ZFAND3: variants seen among roughly 807,000 people sequenced by gnomAD.
The protein encoded by ZFAND3 is zinc finger AN1-type containing 3.
In ZFAND3, 10 loss-of-function variants were observed where a neutral mutation model predicts 29.6. The ratio of observed to expected loss-of-function variants is 0.34; its 90% CI spans 0.21 to 0.57. The LOEUF is 0.57. ZFAND3 is among the 20% of genes least tolerant of loss of function. The pLI, the probability that ZFAND3 is intolerant of heterozygous loss-of-function variation, is 0.86. For synonymous variants in ZFAND3, 128 were observed against 112.6 expected, an observed-to-expected ratio of 1.14 and a Z score of -0.87; for missense variants, 230 against 304.5, an observed-to-expected ratio of 0.76 and a Z score of 1.82.
chr6:38,049,643 A>T (rs1444932607), intron 2 of ZFAND3, among the ~76,000 whole-genome samples: 4 of 152,188 alleles, frequency 2.6e-5, no homozygotes, highest in African/African-American at 4.8e-5. Context: ...TTATATAAAC[A>T]TCATGTATTC....
intron 2 of ZFAND3, among the ~76,000 whole-genome samples, chr6:38,050,382 G>A (rs751469834): frequency 1.3e-5 from 2 of 152,048 alleles, no homozygotes; most frequent in Non-Finnish European, 2.9e-5. Flanking sequence ...GTAGCCAGGT[G>A]ATATGGTTTG....
intron 2 of ZFAND3, among the ~76,000 whole-genome samples, chr6:38,047,691 T>C (rs1763931494): frequency 1.3e-5 from 2 of 152,142 alleles, no homozygotes; most frequent in Admixed American, 6.5e-5. Context: ...CTTTAAGAGC[T>C]GTTAGGTGGT....
At chr6:38,090,585 A>G (rs1313800546) in intron 4 of ZFAND3, among the ~76,000 whole-genome samples, 2 of 152,168 alleles carry the variant, frequency 1.3e-5, no homozygotes, top group African/African-American at 4.8e-5. Context: ...AGCAGTTCTC[A>G]CCAAAGTTTA....
intron 2 of ZFAND3, among the ~76,000 whole-genome samples, chr6:37,972,250 A>G (rs1762401497): frequency 6.6e-6 from 1 of 152,200 alleles, no homozygotes; most frequent in South Asian, 2.1e-4. Flanking sequence ...CTCCAGCTGC[A>G]CACAGAAGGC....
intron 2 of ZFAND3, among the ~76,000 whole-genome samples, chr6:37,986,496 G>A (rs1328190576): frequency 1.7e-4 from 26 of 152,154 alleles, no homozygotes; most frequent in Admixed American, 1.7e-3. Context: ...TCCTTGGGGA[G>A]TGAAGAACTA....
intron 3 of ZFAND3, among the ~76,000 whole-genome samples, chr6:38,069,819 C>T (rs929979971): frequency 1.2e-4 from 18 of 152,204 alleles, no homozygotes; most frequent in Non-Finnish European, 2.2e-4. Flanking sequence ...GTAGTATCAT[C>T]TGACCTTCCA....
At chr6:37,934,176 C>T (rs1374380741) in intron 2 of ZFAND3, among the ~76,000 whole-genome samples, 3 of 150,758 alleles carry the variant, frequency 2.0e-5, no homozygotes, top group Non-Finnish European at 4.4e-5. Flanking sequence ...GTGTAAGCCA[C>T]TGCGCCCGGC....
At chr6:38,004,320 G>A (rs1430509494) in intron 2 of ZFAND3, among the ~76,000 whole-genome samples, 4 of 152,132 alleles carry the variant, frequency 2.6e-5, no homozygotes, top group Non-Finnish European at 5.9e-5. Flanking sequence ...TTTCCAACAC[G>A]TTTGCTCATA....
chr6:38,094,105 GT>G (rs1294346566), intron 4 of ZFAND3, among the ~76,000 whole-genome samples: 3 of 152,122 alleles, frequency 2.0e-5, no homozygotes, highest in East Asian at 3.8e-4. Context: ...GAACTAGGGA[GT>G]TTCTCCTAGA....
rs1310936584 is a variant in ZFAND3, at chr6:38,059,874, T to A, written c.113-1719T>A. On this transcript the variant is annotated intron_variant, in intron 2 of 5. Coordinates refer to ENST00000287218, the MANE Select transcript of ZFAND3 (RefSeq NM_021943.3). ...CTGGCCAACAGAGTGAGACTCTGTC[T>A]CAAGAAAAAAAGAAAATAATTCATT... 2.0e-5 allele frequency among the ~76,000 whole-genome samples: 3 copies of A among 152,162 alleles called. No individual in the cohort carries two copies. The East Asian group carries it at 5.8e-4, about 29-fold the overall frequency.
chr6:38,068,468 C>T (rs1238837065), intron 3 of ZFAND3, among the ~76,000 whole-genome samples: 1 of 152,130 alleles, frequency 6.6e-6, no homozygotes, highest in Non-Finnish European at 1.5e-5. Context: ...GTTTGCAAAA[C>T]CCTGTTTTAC....
intron 5 of ZFAND3, among the ~76,000 whole-genome samples, chr6:38,135,461 G>C (rs1169031093): frequency 1.3e-5 from 2 of 152,180 alleles, no homozygotes; most frequent in Non-Finnish European, 2.9e-5. Context: ...ATGAACACGT[G>C]AGGCCGGCCG....
intron 2 of ZFAND3, among the ~76,000 whole-genome samples, chr6:38,046,742 G>T (rs1319438332): frequency 4.6e-5 from 7 of 152,182 alleles, no homozygotes; most frequent in Non-Finnish European, 1.0e-4. Context: ...TTGAGTCAGG[G>T]TTAGATTATC....
In ZFAND3 at chr6:38,084,179, A is replaced by T. The variant is rs1447155127; in HGVS notation, c.361+1722A>T. 2.0e-5 allele frequency among the ~76,000 whole-genome samples: 3 copies of T among 152,184 alleles called. No homozygotes were observed. The East Asian group carries it at 5.8e-4, about 29-fold the overall frequency. ...TTTTATTGTAATTGTTTCTTCTCCTAACCAGACTGTGGAAAAGCAGACTGT... is the reference window on the plus strand; with the variant it reads ...TTTTATTGTAATTGTTTCTTCTCCTTACCAGACTGTGGAAAAGCAGACTGT... On this transcript the variant is annotated intron_variant, in intron 4 of 5. Transcript: ENST00000287218.
intron 5 of ZFAND3, among the ~76,000 whole-genome samples, chr6:38,122,572 A>G (rs566570782): frequency 6.6e-6 from 1 of 151,432 alleles, no homozygotes; most frequent in African/African-American, 2.4e-5. Context: ...TGGTGGGGGG[A>G]GGATTTGGGA....
intron 2 of ZFAND3, among the ~76,000 whole-genome samples, chr6:38,039,085 G>T (rs1289596587): frequency 6.6e-6 from 1 of 152,146 alleles, no homozygotes. Flanking sequence ...TCTCAAGTTT[G>T]AGAAACCTTG....
At chr6:38,131,445 A>AC in intron 5 of ZFAND3, among the ~76,000 whole-genome samples, 1 of 152,280 alleles carries the variant, frequency 6.6e-6, no homozygotes, top group East Asian at 1.9e-4. Flanking sequence ...ATTTTAATGT[A>AC]CCCCCAAGTT....
intron 2 of ZFAND3, among the ~76,000 whole-genome samples, chr6:37,941,063 C>T (rs1163183320): frequency 1.3e-5 from 2 of 152,154 alleles, no homozygotes; most frequent in Non-Finnish European, 2.9e-5. Flanking sequence ...AATATTATCA[C>T]ATTTGATTCT....
intron 1 of ZFAND3, among the ~76,000 whole-genome samples, chr6:37,885,958 C>T (rs1175397663): frequency 1.3e-5 from 2 of 151,980 alleles, no homozygotes; most frequent in African/African-American, 2.4e-5. Context: ...TTCGAACAGG[C>T]CAGGTGCGGT....
Sources: allele counts gnomAD v4.1 joint callset (sites outside exome capture counted in the v4.1 genomes callset), GRCh38; gene constraint gnomAD v4.1.1; transcripts MANE v1.5; gene names NCBI Gene and HGNC (gene_info 2026-07-23, HGNC 2026-07-21).